PITPNA: variants seen among roughly 807,000 people sequenced by gnomAD.
PITPNA encodes the protein phosphatidylinositol transfer protein alpha isoform.
Under a neutral mutation model 50.3 loss-of-function variants are expected in PITPNA, and 13 were observed. The ratio of observed to expected loss-of-function variants is 0.26; its 90% confidence interval spans 0.17 to 0.41. The LOEUF is 0.41. PITPNA is among the 10% of genes least tolerant of loss of function. PITPNA has a pLI of 1.00. For missense variants in PITPNA, 207 were observed against 333.4 expected, an observed-to-expected ratio of 0.62 and a Z score of 2.95; for synonymous variants, 120 against 119.6, an observed-to-expected ratio of 1.00 and a Z score of -0.02.
chr17:1,541,709 T>TG, intron 5 of PITPNA, 69 bp from the exon 6 acceptor site: 17 of 958,280 alleles, frequency 1.8e-5, no homozygotes, highest in Non-Finnish European at 2.7e-5. Context: ...CTCCCATTAC[T>TG]GGAGATGGGC....
At position 1,535,240 on chromosome 17, in the gene PITPNA, A is replaced by T; in HGVS notation, c.587T>A (p.Val196Glu). Residue 196 changes from valine (V) to glutamate (E), a missense_variant, in exon 9 of 12, where the codon GTG becomes GAG. By Grantham distance (121) the Val-to-Glu change is moderately radical. Coordinates refer to ENST00000313486, the MANE Select transcript of PITPNA (RefSeq NM_006224.4). ...GCCCCACCACTTGAACTTGACGGTC[A>T]CCAGTTTGTATGCACACATATATGG... is the stretch of plus-strand genomic sequence containing the variant. ...DCPYMCAYKLVTVKFKWWGLQ... is the reference protein window; with the variant it reads ...DCPYMCAYKLETVKFKWWGLQ... 6.2e-7 allele frequency: 1 copy of T among 1,613,958 alleles called. No individual in the cohort carries two copies. The highest frequency in any genetic ancestry group is 1.1e-5 in the South Asian group (1 of 91,084).
At chr17:1,526,736 C>T (rs2075550416) in intron 10 of PITPNA, among the ~76,000 whole-genome samples, 1 of 152,138 alleles carries the variant, frequency 6.6e-6, no homozygotes. Context: ...GTTCCCCATA[C>T]CACTGAAATA....
At chr17:1,548,521 G>A in intron 3 of PITPNA, 134 bp from the exon 4 acceptor site, 1 of 615,512 alleles carries the variant, frequency 1.6e-6, no homozygotes, top group Non-Finnish European at 2.8e-6. Flanking sequence ...TGGTGGGAGT[G>A]AGAAGTTACG....
chr17:1,536,775 T>A (rs952407875), intron 7 of PITPNA, among the ~76,000 whole-genome samples: 2 of 151,346 alleles, frequency 1.3e-5, no homozygotes, highest in African/African-American at 4.9e-5. Context: ...TGTATTTTTG[T>A]AGAGACGGGG....
intron 7 of PITPNA, 89 bp from the exon 8 acceptor site, chr17:1,535,607 A>G: frequency 1.2e-6 from 1 of 809,902 alleles, no homozygotes; most frequent in East Asian, 2.5e-5. Flanking sequence ...CATTCACTCC[A>G]TACCAGATCT....
intron 1 of PITPNA, chr17:1,559,883 T>A: frequency 1.9e-6 from 1 of 523,372 alleles, no homozygotes; most frequent in Non-Finnish European, 2.5e-6. Context: ...GTTTACTGAA[T>A]GCTGCCAGTG....
intron 11 of PITPNA, among the ~76,000 whole-genome samples, chr17:1,520,877 G>C (rs2075507290): frequency 6.6e-6 from 1 of 152,166 alleles, no homozygotes; most frequent in African/African-American, 2.4e-5. Flanking sequence ...GAGGCTAATT[G>C]GGAGCAGAGC....
At chr17:1,528,427 A>G (rs1405643108) in intron 10 of PITPNA, among the ~76,000 whole-genome samples, 1 of 152,116 alleles carries the variant, frequency 6.6e-6, no homozygotes, top group Admixed American at 6.5e-5. Context: ...CAGGCTTTTG[A>G]GCCACCGTGC....
In PITPNA at chr17:1,557,500, G is replaced by C. The variant is rs200042396; in HGVS notation, c.51+1029C>G. Among the ~76,000 whole-genome samples the C allele has an allele frequency of 9.2e-5, 14 of 152,322 alleles. 1 individual carries two copies. In the East Asian group the frequency reaches 1.5e-3, roughly 17 times the overall value. ...CAAACTCGAGTTTAACTGGAAGCTG[G>C]GGCGGGGTGGGGCTGTGATTTCAGA... On this transcript the variant is annotated intron_variant, in intron 2 of 11. Coordinates refer to ENST00000313486, the MANE Select transcript of PITPNA (RefSeq NM_006224.4).
At chr17:1,539,704 C>G (rs1265106997) in intron 6 of PITPNA, among the ~76,000 whole-genome samples, 1 of 152,372 alleles carries the variant, frequency 6.6e-6, no homozygotes, top group African/African-American at 2.4e-5. Context: ...TCCTGAGGAG[C>G]TGGGACTATA....
intron 2 of PITPNA, among the ~76,000 whole-genome samples, chr17:1,556,801 T>C (rs1329502464): frequency 6.6e-6 from 1 of 152,170 alleles, no homozygotes; most frequent in African/African-American, 2.4e-5. Flanking sequence ...TCGCTTGCTA[T>C]TTTCAATAAA....
At chr17:1,542,454 T>G (rs1045456128) in intron 5 of PITPNA, among the ~76,000 whole-genome samples, 1 of 152,182 alleles carries the variant, frequency 6.6e-6, no homozygotes, top group Non-Finnish European at 1.5e-5. Context: ...CCCTTCCTGC[T>G]TCTTAAAAAT....
In PITPNA at chr17:1,548,314, A is replaced by G. The variant is rs2075689426; in HGVS notation, c.271T>C (p.Tyr91His). The G allele has an allele frequency of 6.2e-7, 1 of 1,607,994 alleles. No individual in the cohort carries two copies. The highest frequency in any genetic ancestry group is 8.5e-7 in the Non-Finnish European group (1 of 1,177,276). ...CACTCACCGGTTCTGCAGTAGGGGTAAGCATTCCAGGCTTTCTCGTGTATA... is the reference window on the plus strand; with the variant it reads ...CACTCACCGGTTCTGCAGTAGGGGTGAGCATTCCAGGCTTTCTCGTGTATA... ...LNIHEKAWNA[Y>H]PYCRTVITNE... The change falls in exon 4 of 12, where the codon TAC (tyrosine) becomes CAC (histidine). Residue 91 changes from tyrosine (Y) to histidine (H), a missense_variant. By Grantham distance (83) the Tyr-to-His change is moderately conservative. Transcript: ENST00000313486.
intron 2 of PITPNA, among the ~76,000 whole-genome samples, chr17:1,554,012 T>C (rs910230780): frequency 6.6e-6 from 1 of 152,338 alleles, no homozygotes; most frequent in Non-Finnish European, 1.5e-5. Flanking sequence ...TTCCTTTATT[T>C]GGGTCACATG....
At position 1,562,533 on chromosome 17, in the gene PITPNA, A is replaced by G; in HGVS notation, c.20+8T>C. 1 of 1,400,936 alleles carries G rather than the reference A, an allele frequency of 7.1e-7. No homozygotes were observed. Among genetic ancestry groups the G allele is most frequent in the Non-Finnish European group, 9.4e-7 (1 of 1,062,696 alleles). 86.8% of individuals were successfully genotyped at this position (1,400,936 alleles called of 1,614,324 possible). The stretch of plus-strand genomic sequence containing the variant: ...CTCCCCGCTTCCGCACGGCCGCCGG[A>G]CACTCACTACTCCTTGAGCAGCACC... On this transcript the variant is annotated splice_region_variant and intron_variant, in intron 1 of 11. Coordinates refer to ENST00000313486, the MANE Select transcript of PITPNA (RefSeq NM_006224.4). This position sits in a 1 kb window ranked among gnomAD's most constrained non-coding sequence, Gnocchi z 6.4.
At position 1,538,889 on chromosome 17, in the gene PITPNA, G is replaced by A; in HGVS notation, c.436C>T (p.Arg146Ter). The A allele has an allele frequency of 6.2e-7, 1 of 1,613,158 alleles. No homozygotes were observed. Among genetic ancestry groups the A allele is most frequent in the Non-Finnish European group, 8.5e-7 (1 of 1,179,186 alleles). ...VEAVYIDIAD[R>*]SQVLSKDYKA... ...CCTACCTTGCTGAGCACTTGGCTTC[G>A]ATCTGCAATGTCTATATATACGGCT... The change falls in exon 7 of 12, where the codon CGA becomes TGA. Residue 146 changes from arginine to a stop codon, truncating the protein, a stop_gained. Transcript: ENST00000313486. LOFTEE classifies it high-confidence loss of function.
At chr17:1,524,717 CAG>C (rs2075536553) in intron 10 of PITPNA, among the ~76,000 whole-genome samples, 1 of 151,886 alleles carries the variant, frequency 6.6e-6, no homozygotes, top group Non-Finnish European at 1.5e-5. Context: ...GGCATTGTGG[CAG>C]GCACCTGTAA....
intron 4 of PITPNA, 116 bp downstream of exon 4, chr17:1,548,180 T>A (rs2075688117): frequency 1.6e-6 from 1 of 636,532 alleles, no homozygotes; most frequent in African/African-American, 1.8e-5. Context: ...ATACCCACCA[T>A]CAGCCGGAAG....
intron 4 of PITPNA, among the ~76,000 whole-genome samples, chr17:1,545,965 T>C (rs1168215504): frequency 1.3e-5 from 2 of 150,490 alleles, no homozygotes; most frequent in Non-Finnish European, 3.0e-5. Context: ...TTTGCTCTTG[T>C]TGTCCAAGCT....
Sources: gnomAD v4.1 joint callset for allele counts (sites outside exome capture counted in the v4.1 genomes callset) on GRCh38, gnomAD v4.1.1 for gene constraint, Gnocchi (gnomAD v3.1) non-coding constraint, MANE v1.5 for transcripts, NCBI Gene and HGNC (gene_info 2026-07-23, HGNC 2026-07-21) for gene names.